UBE2O: variants seen among roughly 807,000 people sequenced by gnomAD.
UBE2O encodes (E3-independent) E2 ubiquitin-conjugating enzyme.
A neutral mutation model predicts 125.8 loss-of-function variants in UBE2O; 15 were observed. That is an observed-to-expected ratio of 0.12 (90% CI 0.08 to 0.18). The LOEUF (loss-of-function observed/expected upper bound fraction) is 0.18, where lower values mean the gene tolerates loss of function less well. Among genes scored for constraint, UBE2O ranks in the 10% least tolerant of loss-of-function variants. UBE2O has a pLI of 1.00. For missense variants in UBE2O, 1,280 were observed against 1,723.6 expected (o/e 0.74, Z 4.56); for synonymous variants, 708 against 703.2 (o/e 1.01, Z -0.11).
In UBE2O at chr17:76,398,217, A is replaced by C; in HGVS notation, c.2025+38T>G. The C allele has an allele frequency of 6.2e-7, 1 of 1,613,618 alleles. No homozygotes were observed. Among genetic ancestry groups the C allele is most frequent in the Non-Finnish European group, 8.5e-7 (1 of 1,179,694 alleles). On this transcript the variant is annotated intron_variant, in intron 12 of 17. Transcript: ENST00000319380. The surrounding 1 kb of genome is among the most constrained non-coding windows in gnomAD (Gnocchi z 5.4). ...AGGGACTGCAGCTGGTGCACAGGGCAGTGAGCAGCCATCCAGAACTTGAAT... is the reference window on the plus strand; with the variant it reads ...AGGGACTGCAGCTGGTGCACAGGGCCGTGAGCAGCCATCCAGAACTTGAAT...
chr17:76,400,319 G>A lies in UBE2O; in HGVS notation c.1005-22C>T, dbSNP rs760151400. On this transcript the variant is annotated intron_variant, in intron 7 of 17. Transcript: ENST00000319380. The surrounding 1 kb of genome is among the most constrained non-coding windows in gnomAD (Gnocchi z 4.3). Reference sequence around the variant, plus strand: ...CACCCTGGTTGGGGAAGAAGTGGGGGTGAGCTGGGCTGGACTCCTGGGAGG... The same window carrying A: ...CACCCTGGTTGGGGAAGAAGTGGGGATGAGCTGGGCTGGACTCCTGGGAGG... 3.1e-6 allele frequency: 5 copies of A among 1,611,764 alleles called. No individual in the cohort carries two copies. The highest frequency in any genetic ancestry group is 2.2e-5 in the East Asian group (1 of 44,848).
At chr17:76,397,267 G>T (rs1011642422) in intron 13 of UBE2O, among the ~76,000 whole-genome samples, 3 of 152,210 alleles carry the variant, frequency 2.0e-5, no homozygotes, top group African/African-American at 7.2e-5. Context: ...TGGAATGGCC[G>T]TTAAGGTGAT....
At position 76,402,467 on chromosome 17, in the gene UBE2O, G is replaced by A; in HGVS notation, c.686+135C>T. On this transcript the variant is annotated intron_variant, in intron 4 of 17. Coordinates refer to ENST00000319380, the MANE Select transcript of UBE2O (RefSeq NM_022066.4). The surrounding 1 kb of genome is among the most constrained non-coding windows in gnomAD (Gnocchi z 5.4). The stretch of plus-strand genomic sequence containing the variant: ...GGAGAACGGTACAGGGTTAGGCCCT[G>A]GATGCCTGCAACATCTGTCACTGCC... The A allele has an allele frequency of 3.8e-6, 3 of 786,398 alleles. No individual in the cohort carries two copies. Among genetic ancestry groups the A allele is most frequent in the South Asian group, 1.5e-5 (1 of 64,750 alleles). 48.7% of individuals were successfully genotyped at this position (786,398 alleles called of 1,614,324 possible).
chr17:76,450,653 C>G (rs1045366722), intron 1 of UBE2O, among the ~76,000 whole-genome samples: 5 of 151,470 alleles, frequency 3.3e-5, no homozygotes, highest in African/African-American at 1.2e-4. Context: ...CAGAGTTTAA[C>G]TCTTGCTGCC....
At chr17:76,420,349 G>A (rs560924) in intron 1 of UBE2O, among the ~76,000 whole-genome samples, 9,685 of 152,242 alleles carry the variant, frequency 0.064, 379 homozygotes, top group South Asian at 0.12. Flanking sequence ...GGAGGAGCAG[G>A]GGGCTATGGA....
chr17:76,400,477 G>T lies in UBE2O; in HGVS notation c.968C>A (p.Pro323His). 1 of 1,613,130 alleles carries T rather than the reference G, an allele frequency of 6.2e-7. No homozygotes were observed. Among genetic ancestry groups the T allele is most frequent in the Non-Finnish European group, 8.5e-7 (1 of 1,179,690 alleles). Residue 323 changes from proline (P) to histidine (H), a missense_variant, in exon 7 of 18, where the codon CCC becomes CAC. Physicochemically the swap from Pro to His is moderately conservative, Grantham distance 77. Around this residue, in one of 10 missense-constraint regions of UBE2O, gnomAD observed 206 missense variants for 315.7 expected, o/e 0.65. Transcript: ENST00000319380. This position sits in a 1 kb window ranked among gnomAD's most constrained non-coding sequence, Gnocchi z 4.3. ...FCPGGTDSVS[P>H]PPSVITQENL... ...TTCCTGGGTGATGACAGAGGGTGGG[G>T]GGCTGACGCTGTCCGTGCCCCCTGG...
chr17:76,398,673 AC>A lies in UBE2O; in HGVS notation c.1784-90del. On this transcript the variant is annotated intron_variant, in intron 10 of 17. Transcript: ENST00000319380. This position sits in a 1 kb window ranked among gnomAD's most constrained non-coding sequence, Gnocchi z 5.4. ...AGCCAGTGCAGAGTGCAGAACCCTG[AC>A]CTTCCCCCGTCTTGGAAGTGGTGAG... 6.7e-7 allele frequency: 1 copy of A among 1,488,740 alleles called. No individual in the cohort carries two copies. The highest frequency in any genetic ancestry group is 9.3e-7 in the Non-Finnish European group (1 of 1,080,440). 92.2% of individuals were successfully genotyped at this position (1,488,740 alleles called of 1,614,324 possible).
Position 76,452,853 on chromosome 17 carries a change from C to G in UBE2O, c.289G>C (p.Gly97Arg). ...SDSEGEEEGR[G>R]SSGCSEAGGA... ...CCGGCCTCGGAGCACCCCGAGCTCC[C>G]GCGGCCCTCCTCCTCGCCCTCCGAG... Residue 97 changes from glycine to arginine, a missense_variant, in exon 1 of 18, where the codon GGG becomes CGG. Transcript: ENST00000319380. This position sits in a 1 kb window ranked among gnomAD's most constrained non-coding sequence, Gnocchi z 4.4. 6.6e-7 allele frequency: 1 copy of G among 1,503,888 alleles called. No individual in the cohort carries two copies. Among genetic ancestry groups the G allele is most frequent in the African/African-American group, 1.4e-5 (1 of 69,016 alleles). 93.2% of individuals were successfully genotyped at this position (1,503,888 alleles called of 1,614,324 possible).
rs1416626974 is a variant in UBE2O, at chr17:76,390,546, A to G, written c.*397T>C. 5.7e-6 allele frequency: 1 copy of G among 174,514 alleles called. No homozygotes were observed. The highest frequency in any genetic ancestry group is 2.4e-5 in the African/African-American group (1 of 41,914). The allele number at this position is 174,514 out of a possible 1,614,324, so 10.8% of individuals were successfully genotyped here. A position where few individuals can be genotyped will look rare whatever the true frequency, so the allele number is the denominator to read the frequency against. ...CAGGGGAATTGTTGGCGCAACCCAC[A>G]CTTCATGCAAGGCACATGTGCTCTC... On this transcript the variant is annotated 3_prime_UTR_variant, in exon 18 of 18. Coordinates refer to ENST00000319380, the MANE Select transcript of UBE2O (RefSeq NM_022066.4).
intron 1 of UBE2O, among the ~76,000 whole-genome samples, chr17:76,432,168 A>T (rs2072917136): frequency 6.6e-6 from 1 of 152,124 alleles, no homozygotes; most frequent in Admixed American, 6.5e-5. Flanking sequence ...GCCTTTGGAA[A>T]CTCAAGGCCC....
At chr17:76,450,129 G>A (rs1024041316) in intron 1 of UBE2O, among the ~76,000 whole-genome samples, 1 of 151,792 alleles carries the variant, frequency 6.6e-6, no homozygotes, top group African/African-American at 2.4e-5. Context: ...CAATAATTGG[G>A]TTCTCAAATC....
chr17:76,422,188 C>T (rs2072723023), intron 1 of UBE2O, among the ~76,000 whole-genome samples: 1 of 152,180 alleles, frequency 6.6e-6, no homozygotes, highest in South Asian at 2.1e-4. Context: ...TCAATGGCTC[C>T]CAACTATTTC....
At chr17:76,433,854 T>C (rs2072941547) in intron 1 of UBE2O, among the ~76,000 whole-genome samples, 1 of 152,124 alleles carries the variant, frequency 6.6e-6, no homozygotes, top group African/African-American at 2.4e-5. Flanking sequence ...AGATGGTGAC[T>C]CTACAAAAAA....
chr17:76,398,747 C>A lies in UBE2O; in HGVS notation c.1783+90G>T. 6.5e-7 allele frequency: 1 copy of A among 1,542,874 alleles called. No homozygotes were observed. Among genetic ancestry groups the A allele is most frequent in the Non-Finnish European group, 8.8e-7 (1 of 1,135,006 alleles). On this transcript the variant is annotated intron_variant, in intron 10 of 17. Transcript: ENST00000319380. This position sits in a 1 kb window ranked among gnomAD's most constrained non-coding sequence, Gnocchi z 5.4. Reference sequence around the variant, plus strand: ...CTTCTGGACCTCATTTTAGCTCTGACCCCAGATCCACTGCCCATTCTCCAC... The same window carrying A: ...CTTCTGGACCTCATTTTAGCTCTGAACCCAGATCCACTGCCCATTCTCCAC...
rs1324207858 is a variant in UBE2O at position 76,389,610 on chromosome 17, C to T, written c.*1333G>A. 1 of 151,536 alleles carries T rather than the reference C, an allele frequency of 6.6e-6. No homozygotes were observed. Among genetic ancestry groups the T allele is most frequent in the African/African-American group, 2.4e-5 (1 of 41,218 alleles). 9.4% of individuals were successfully genotyped at this position (151,536 alleles called of 1,614,324 possible). On this transcript the variant is annotated 3_prime_UTR_variant, in exon 18 of 18. Transcript: ENST00000319380. The stretch of plus-strand genomic sequence containing the variant: ...GTAGGCATTCACATCTCCACATGTA[C>T]AATGCACTGGGAAGCACAGCCCCAC...
At chr17:76,408,815 C>G (rs181276177) in intron 1 of UBE2O, among the ~76,000 whole-genome samples, 1 of 152,216 alleles carries the variant, frequency 6.6e-6, no homozygotes, top group East Asian at 1.9e-4. Flanking sequence ...TGGAATAAAC[C>G]CAATCCCTAC....
chr17:76,416,164 A>G (rs1035930972), intron 1 of UBE2O, among the ~76,000 whole-genome samples: 1 of 151,380 alleles, frequency 6.6e-6, no homozygotes, highest in African/African-American at 2.4e-5. Context: ...GGCTTTATAT[A>G]CACATACGTG....
Position 76,396,771 on chromosome 17 carries a change from T to A in UBE2O, c.2166A>T (p.Val722=), listed in dbSNP as rs778534429. 9 of 1,612,240 alleles carry A rather than the reference T, an allele frequency of 5.6e-6. No homozygotes were observed. Among genetic ancestry groups the A allele is most frequent in the Non-Finnish European group, 7.6e-6 (9 of 1,179,066 alleles). Residue 722 remains valine, a synonymous_variant, in exon 14 of 18, where the codon GTA becomes GTT. Transcript: ENST00000319380. This position sits in a 1 kb window ranked among gnomAD's most constrained non-coding sequence, Gnocchi z 6.7. ...AGGATGCCCCGCTGGTGCTGCCTTCTACCGAATCGTAGTCTGACTCCTCAA... is the reference window on the plus strand; with the variant it reads ...AGGATGCCCCGCTGGTGCTGCCTTCAACCGAATCGTAGTCTGACTCCTCAA... ...SEIEESDYDS[V]EGSTSGASSD... is the part of the protein sequence containing the mutation.
chr17:76,398,166 T>G lies in UBE2O; in HGVS notation c.2025+89A>C. Reference sequence around the variant, plus strand: ...GCCCAGAGGACTTTCAGGTCTTGTCTCCTAGAGCCACCTGGTGGCAGCATC... The same window carrying G: ...GCCCAGAGGACTTTCAGGTCTTGTCGCCTAGAGCCACCTGGTGGCAGCATC... On this transcript the variant is annotated intron_variant, in intron 12 of 17. Coordinates refer to ENST00000319380, the MANE Select transcript of UBE2O (RefSeq NM_022066.4). The surrounding 1 kb of genome is among the most constrained non-coding windows in gnomAD (Gnocchi z 5.4). The G allele has an allele frequency of 6.3e-7, 1 of 1,581,626 alleles. No homozygotes were observed. The highest frequency in any genetic ancestry group is 8.6e-7 in the Non-Finnish European group (1 of 1,156,950).
Sources: allele counts gnomAD v4.1 joint callset (sites outside exome capture counted in the v4.1 genomes callset), GRCh38; gene constraint gnomAD v4.1.1; regional missense constraint gnomAD v4.1.1; non-coding constraint Gnocchi (gnomAD v3.1); transcripts MANE v1.5; gene names NCBI Gene and HGNC (gene_info 2026-07-23, HGNC 2026-07-21).